FAM20B: variants seen among roughly 807,000 people sequenced by gnomAD.
The protein encoded by FAM20B is glycosaminoglycan xylosylkinase.
A neutral mutation model predicts 43.8 loss-of-function variants in FAM20B; 23 were observed. The observed-to-expected ratio is 0.53, with a 90% confidence interval of 0.38 to 0.74. The LOEUF (loss-of-function observed/expected upper bound fraction) is 0.74. FAM20B is among the 30% of genes least tolerant of loss of function. The pLI is 0.00. For missense variants in FAM20B, 440 were observed against 510.5 expected (o/e 0.86, Z 1.33); for synonymous variants, 178 against 192.4 (o/e 0.93, Z 0.62).
At position 179,054,648 on chromosome 1, in the gene FAM20B, T is replaced by C. The variant is rs1363514565; in HGVS notation, c.574+10T>C. ...ACCTTCCTAACTGTAGGTAAGAAGA[T>C]TGTAGAGGACATTTATATAGGGGAA... On this transcript the variant is annotated intron_variant, in intron 4 of 7. Coordinates refer to ENST00000263733, the MANE Select transcript of FAM20B (RefSeq NM_014864.4). 6.6e-7 allele frequency: 1 copy of C among 1,524,768 alleles called. No individual in the cohort carries two copies. Among genetic ancestry groups the C allele is most frequent in the Non-Finnish European group, 9.1e-7 (1 of 1,099,950 alleles). 94.5% of individuals were successfully genotyped at this position (1,524,768 alleles called of 1,614,324 possible).
chr1:179,036,101 G>T (rs1450272298), intron 1 of FAM20B, among the ~76,000 whole-genome samples: 1 of 152,144 alleles, frequency 6.6e-6, no homozygotes, highest in African/African-American at 2.4e-5. Flanking sequence ...CTGCACTCCA[G>T]CCTGGGTGAC....
At chr1:179,064,913 T>C (rs1329152470) in intron 6 of FAM20B, among the ~76,000 whole-genome samples, 1 of 152,202 alleles carries the variant, frequency 6.6e-6, no homozygotes, top group African/African-American at 2.4e-5. Flanking sequence ...GGTAGGATGT[T>C]TTGCTATTTT....
intron 6 of FAM20B, among the ~76,000 whole-genome samples, chr1:179,065,346 A>G (rs138022290): frequency 0.14 from 21,466 of 152,098 alleles, 1,760 homozygotes; most frequent in East Asian, 0.31. Flanking sequence ...CATTTTGGCC[A>G]GGCTGGTCTT....
upstream of FAM20B, among the ~76,000 whole-genome samples, chr1:179,022,752 G>A (rs12738332): frequency 0.085 from 12,927 of 152,242 alleles, 678 homozygotes; most frequent in African/African-American, 0.14. Flanking sequence ...TAGTGCTACA[G>A]AAGACGCAGA....
intron 1 of FAM20B, among the ~76,000 whole-genome samples, chr1:179,027,123 G>GAAGGGGAGA (rs1649821704): frequency 6.6e-6 from 1 of 152,220 alleles, no homozygotes; most frequent in South Asian, 2.1e-4. Flanking sequence ...TTCTCACTTG[G>GAAGGGGAGA]AAGGGAAGTA....
intron 1 of FAM20B, among the ~76,000 whole-genome samples, chr1:179,031,240 G>C (rs1000984236): frequency 6.6e-6 from 1 of 152,194 alleles, no homozygotes; most frequent in African/African-American, 2.4e-5. Flanking sequence ...TGGTGGTTCT[G>C]TACTGACAGT....
chr1:179,040,903 C>T (rs866150358), intron 1 of FAM20B, among the ~76,000 whole-genome samples: 10 of 149,308 alleles, frequency 6.7e-5, no homozygotes, highest in Admixed American at 5.3e-4. Flanking sequence ...TCAGACGGGG[C>T]GGCCGGGCAG....
chr1:179,035,064 C>T (rs1185552717), intron 1 of FAM20B, among the ~76,000 whole-genome samples: 1 of 152,164 alleles, frequency 6.6e-6, no homozygotes, highest in African/African-American at 2.4e-5. Context: ...TCTAATAAGG[C>T]TTGGAATCTC....
intron 1 of FAM20B, among the ~76,000 whole-genome samples, chr1:179,028,752 A>G (rs1281641705): frequency 6.6e-6 from 1 of 152,146 alleles, no homozygotes; most frequent in Non-Finnish European, 1.5e-5. Context: ...GTATCTGTGT[A>G]TTTTTCTCTC....
upstream of FAM20B, among the ~76,000 whole-genome samples, chr1:179,022,869 A>G (rs1276050610): frequency 1.3e-5 from 2 of 152,206 alleles, no homozygotes; most frequent in Non-Finnish European, 2.9e-5. Flanking sequence ...AGCCAAGGAA[A>G]GCATGTGCAG....
At chr1:179,055,521 T>C (rs939690384) in intron 4 of FAM20B, among the ~76,000 whole-genome samples, 2 of 152,346 alleles carry the variant, frequency 1.3e-5, no homozygotes, top group East Asian at 3.9e-4. Context: ...ACTTTTCTTA[T>C]AGATAACCAA....
At chr1:179,027,002 A>G (rs1216411869) in intron 1 of FAM20B, among the ~76,000 whole-genome samples, 2 of 152,198 alleles carry the variant, frequency 1.3e-5, no homozygotes. Flanking sequence ...ATTGGGATGG[A>G]TAAGGAGTTT....
Position 179,071,855 on chromosome 1 carries a change from C to T in FAM20B, c.999-58C>T. 2.4e-6 allele frequency: 3 copies of T among 1,232,918 alleles called. No individual in the cohort carries two copies. In the South Asian group the frequency reaches 3.8e-5, roughly 16 times the overall value. The allele number at this position is 1,232,918 out of a possible 1,614,324, so 76.4% of individuals were successfully genotyped here. On this transcript the variant is annotated intron_variant, in intron 7 of 7. Coordinates refer to ENST00000263733, the MANE Select transcript of FAM20B (RefSeq NM_014864.4). ...CACTTTTGTCTGCCTAGCAGGCTTT[C>T]AACTCCGTTTGATAATGAGAAGTTT...
rs1222347878 is a variant in FAM20B, at chr1:179,050,286, C to T, written c.385C>T (p.Arg129Ter). ...KVVFKPKRYS[R>*]DHVVEGEPYA... ...TTCCCATTCACTTTGCAGGTATAGC[C>T]GAGACCATGTGGTGGAAGGGGAACC... is the stretch of plus-strand genomic sequence containing the variant. The change falls in exon 3 of 8, where the codon CGA becomes TGA. Residue 129 changes from arginine (R) to a stop codon, truncating the protein, a stop_gained. Transcript: ENST00000263733. LOFTEE classifies it high-confidence loss of function. The T allele has an allele frequency of 5.0e-6, 8 of 1,612,958 alleles. No homozygotes were observed. The highest frequency in any genetic ancestry group is 1.1e-5 in the South Asian group (1 of 91,036).
intron 1 of FAM20B, among the ~76,000 whole-genome samples, chr1:179,042,562 A>G (rs952319335): frequency 3.4e-4 from 51 of 152,078 alleles, no homozygotes; most frequent in Admixed American, 2.9e-3. Context: ...TGCCTACCAC[A>G]TGGTGAGCAG....
intron 3 of FAM20B, among the ~76,000 whole-genome samples, chr1:179,053,588 G>C (rs891135951): frequency 1.3e-5 from 2 of 152,110 alleles, no homozygotes; most frequent in Admixed American, 1.3e-4. Flanking sequence ...GCCTCTGGGG[G>C]TATCTCTGGA....
At chr1:179,046,555 G>T (rs373075994) in intron 2 of FAM20B, among the ~76,000 whole-genome samples, 1 of 152,152 alleles carries the variant, frequency 6.6e-6, no homozygotes, top group African/African-American at 2.4e-5. Flanking sequence ...AGGAGTCTGA[G>T]GCAGGAGAAT....
chr1:179,043,893 A>G lies in FAM20B; in HGVS notation c.46A>G (p.Ile16Val), dbSNP rs756697625. ...CGTGCTGTTAGCAATTCTCCTTGTC[A>G]TTTTTATCTTCACCAAAGTTTTCCT... ...RVVLLAILLV[I>V]FIFTKVFLID... The change falls in exon 2 of 8, where the codon ATT becomes GTT. Residue 16 changes from isoleucine (I) to valine (V), a missense_variant. Physicochemically the swap from Ile to Val is conservative, Grantham distance 29. Coordinates refer to ENST00000263733, the MANE Select transcript of FAM20B (RefSeq NM_014864.4). 4 of 1,609,620 alleles carry G rather than the reference A, an allele frequency of 2.5e-6. No homozygotes were observed. The highest frequency in any genetic ancestry group is 1.1e-5 in the South Asian group (1 of 91,002).
At chr1:179,049,356 G>A (rs992340942) in intron 2 of FAM20B, among the ~76,000 whole-genome samples, 1 of 152,010 alleles carries the variant, frequency 6.6e-6, no homozygotes, top group African/African-American at 2.4e-5. Flanking sequence ...ACCTCCCACT[G>A]CCAGTCCAGG....
Sources: gnomAD v4.1 joint callset for allele counts (sites outside exome capture counted in the v4.1 genomes callset) on GRCh38, gnomAD v4.1.1 for gene constraint, MANE v1.5 for transcripts, NCBI Gene and HGNC (gene_info 2026-07-23, HGNC 2026-07-21) for gene names.